Variants in MELK observed in about 807,000 individuals in gnomAD.
The protein encoded by MELK is pEg3 kinase.
Under a neutral mutation model 85.0 loss-of-function variants are expected in MELK, and 81 were observed. The observed-to-expected ratio is 0.95, with a 90% CI of 0.80 to 1.15. MELK has a LOEUF of 1.15. Ranked by LOEUF, MELK falls within the 50% of genes most tolerant of loss-of-function variation. MELK has a pLI of 0.00. For missense variants in MELK, 754 were observed against 777.5 expected (o/e 0.97, Z 0.36); for synonymous variants, 252 against 265.0 (o/e 0.95, Z 0.48).
At chr9:36,589,847 C>T (rs962329425) in intron 4 of MELK, among the ~76,000 whole-genome samples, 195 bp downstream of exon 4, 2 of 151,954 alleles carry the variant, frequency 1.3e-5, no homozygotes, top group Non-Finnish European at 2.9e-5. Flanking sequence ...TTCTAATACA[C>T]CCCTAATGGG....
Position 36,613,470 on chromosome 9 carries a change from T to C in MELK, c.666+5797T>C, listed in dbSNP as rs146471908. On this transcript the variant is annotated intron_variant, in intron 8 of 17. Coordinates refer to ENST00000298048, the MANE Select transcript of MELK (RefSeq NM_014791.4). ...GGAGTTTATCTTCTAGTAGTGGGGA[T>C]GTAGAGAAAGACAATAAGCATAACA... 4.6e-3 allele frequency among the ~76,000 whole-genome samples: 706 copies of C among 152,250 alleles called. 2 individuals are homozygous for C. Among genetic ancestry groups the C allele is most frequent in the Middle Eastern group, 0.024 (7 of 294 alleles).
At chr9:36,599,624 G>T (rs1564143222) in intron 7 of MELK, 138 bp downstream of exon 7, 1 of 565,364 alleles carries the variant, frequency 1.8e-6, no homozygotes, top group Non-Finnish European at 3.1e-6. Flanking sequence ...AGTCTATTTG[G>T]AGAGTGAGAC....
chr9:36,671,315 C>A, intron 16 of MELK, 149 bp downstream of exon 16: 1 of 850,908 alleles, frequency 1.2e-6, no homozygotes, highest in Non-Finnish European at 1.7e-6. Context: ...CAACTAAAAT[C>A]TGCATGTTAC....
chr9:36,575,131 T>TCAAAAA (rs968354625), intron 1 of MELK, among the ~76,000 whole-genome samples: 53 of 152,304 alleles, frequency 3.5e-4, no homozygotes, highest in Non-Finnish European at 6.9e-4. Context: ...AGACTCCGTC[T>TCAAAAA]CAAAAACAAA....
At chr9:36,613,254 A>C (rs1055651256) in intron 8 of MELK, among the ~76,000 whole-genome samples, 1 of 152,224 alleles carries the variant, frequency 6.6e-6, no homozygotes, top group African/African-American at 2.4e-5. Flanking sequence ...TCTCTGTTCA[A>C]ATGTTCTCTA....
chr9:36,596,585 T>G lies in MELK; in HGVS notation c.406-637T>G, dbSNP rs1564138889. Among the ~76,000 whole-genome samples, 240 of 107,428 alleles carry G rather than the reference T, an allele frequency of 2.2e-3. 9 individuals are homozygous for G. The highest frequency in any genetic ancestry group is 0.013 in the African/African-American group (228 of 17,398). 70.5% of individuals were successfully genotyped at this position (107,428 alleles called of 152,430 possible). On this transcript the variant is annotated intron_variant, in intron 5 of 17. Transcript: ENST00000298048. ...TTTGTTTTTTTTGTTTTTTTTGTTT[T>G]TTTTGTTTTTTTTTTTTTGAGATGG...
rs756167142 is a variant in MELK, at chr9:36,623,121, A to G, written c.667-7178A>G. On this transcript the variant is annotated intron_variant, in intron 8 of 17. Transcript: ENST00000298048. ...CATTGTAGGATGTTTAGCAGCATCC[A>G]TTACCTTTACCCACTAATTGCTAGG... Among the ~76,000 whole-genome samples, 102 of 152,298 alleles carry G rather than the reference A, an allele frequency of 6.7e-4. 1 individual carries two copies. Among genetic ancestry groups the G allele is most frequent in the Non-Finnish European group, 1.1e-3 (74 of 68,022 alleles).
chr9:36,653,567 G>A (rs932740253), intron 12 of MELK, among the ~76,000 whole-genome samples: 4 of 152,278 alleles, frequency 2.6e-5, no homozygotes, highest in Admixed American at 2.0e-4. Context: ...TTAAAATTCA[G>A]CTATCCAAAT....
intron 1 of MELK, among the ~76,000 whole-genome samples, chr9:36,574,511 G>A (rs753219048): frequency 6.7e-6 from 1 of 149,980 alleles, no homozygotes; most frequent in South Asian, 2.1e-4. Flanking sequence ...GCTGAGGCAC[G>A]AGCATCTCTG....
At chr9:36,637,287 T>G (rs1829316050) in intron 10 of MELK, among the ~76,000 whole-genome samples, 1 of 152,176 alleles carries the variant, frequency 6.6e-6, no homozygotes, top group Admixed American at 6.5e-5. Context: ...TTCAAGGTTG[T>G]ACAATTCTTA....
chr9:36,663,877 A>G (rs1832092752), intron 13 of MELK, among the ~76,000 whole-genome samples: 1 of 152,148 alleles, frequency 6.6e-6, no homozygotes, highest in Non-Finnish European at 1.5e-5. Flanking sequence ...TTTTTGATGT[A>G]TTGATTTCTT....
chr9:36,626,162 A>G (rs141167610), intron 8 of MELK, among the ~76,000 whole-genome samples: 1 of 152,266 alleles, frequency 6.6e-6, no homozygotes, highest in African/African-American at 2.4e-5. Flanking sequence ...CCCTTATACC[A>G]AGGCTGGAAT....
At chr9:36,612,402 T>C (rs575154752) in intron 8 of MELK, among the ~76,000 whole-genome samples, 3 of 147,042 alleles carry the variant, frequency 2.0e-5, no homozygotes, top group Non-Finnish European at 3.0e-5. Flanking sequence ...GCAATTATTT[T>C]TGAGACAAAG....
At chr9:36,596,544 A>C (rs1824263695) in intron 5 of MELK, among the ~76,000 whole-genome samples, 2 of 148,646 alleles carry the variant, frequency 1.3e-5, no homozygotes, top group South Asian at 4.2e-4. Flanking sequence ...GGCGTGAGCC[A>C]CTGCGCCCGG....
chr9:36,627,387 A>G (rs1419074341), intron 8 of MELK, among the ~76,000 whole-genome samples: 1 of 152,216 alleles, frequency 6.6e-6, no homozygotes, highest in Non-Finnish European at 1.5e-5. Flanking sequence ...TGATGAGAGT[A>G]GATGGACTGA....
At chr9:36,576,462 A>G (rs958908193) in intron 1 of MELK, among the ~76,000 whole-genome samples, 2 of 151,804 alleles carry the variant, frequency 1.3e-5, no homozygotes, top group African/African-American at 4.8e-5. Context: ...AGCTGATTTA[A>G]TTTTTTTCTT....
Position 36,583,849 on chromosome 9 carries a change from T to C in MELK, c.144+137T>C, listed in dbSNP as rs548064172. 2.5e-5 allele frequency: 15 copies of C among 604,910 alleles called. 1 individual carries two copies. In the South Asian group the frequency reaches 3.8e-4, roughly 15 times the overall value. The allele number at this position is 604,910 out of a possible 1,614,324, so 37.5% of individuals were successfully genotyped here. A position where few individuals can be genotyped will look rare whatever the true frequency, so the allele number is the denominator to read the frequency against. On this transcript the variant is annotated intron_variant, in intron 3 of 17. Transcript: ENST00000298048. ...TTTTAAAAAACGTATAGATCTGTGGTTTTAAAAAGTAATCTGGGGGAAGGG... is the reference window on the plus strand; with the variant it reads ...TTTTAAAAAACGTATAGATCTGTGGCTTTAAAAAGTAATCTGGGGGAAGGG...
chr9:36,657,885 C>G (rs1831412935), intron 13 of MELK, among the ~76,000 whole-genome samples: 2 of 152,078 alleles, frequency 1.3e-5, no homozygotes, highest in South Asian at 4.2e-4. Flanking sequence ...GCCCGGCCTT[C>G]TTTTTTGTTT....
At chr9:36,608,701 C>A (rs1178833993) in intron 8 of MELK, among the ~76,000 whole-genome samples, 2 of 152,080 alleles carry the variant, frequency 1.3e-5, no homozygotes, top group Admixed American at 1.3e-4. Flanking sequence ...CCTGTCTCAG[C>A]CTCCCTAGTA....
Sources: allele counts gnomAD v4.1 joint callset (sites outside exome capture counted in the v4.1 genomes callset), GRCh38; gene constraint gnomAD v4.1.1; transcripts MANE v1.5; gene names NCBI Gene and HGNC (gene_info 2026-07-23, HGNC 2026-07-21).